Variants in IGSF21 observed in about 807,000 individuals in gnomAD.
IGSF21 encodes immunoglobulin superfamily member 21.
In IGSF21, 28 loss-of-function variants were observed where a neutral mutation model predicts 46.8. That is an observed-to-expected ratio of 0.60 (90% CI 0.44 to 0.82). The LOEUF (loss-of-function observed/expected upper bound fraction) is 0.82, where lower values mean the gene tolerates loss of function less well. Ranked by LOEUF, IGSF21 falls within the 40% of genes least tolerant of loss-of-function variation. The pLI, the probability that IGSF21 is intolerant of heterozygous loss-of-function variation, is 0.00. For missense variants in IGSF21, 624 were observed against 665.5 expected (o/e 0.94, Z 0.69); for synonymous variants, 284 against 273.6 (o/e 1.04, Z -0.38).
intron 3 of IGSF21, among the ~76,000 whole-genome samples, chr1:18,311,730 G>C (rs1213344154): frequency 2.0e-5 from 3 of 152,196 alleles, no homozygotes; most frequent in African/African-American, 7.2e-5. Context: ...ATCTTACATG[G>C]TGGCAGACAA....
At chr1:18,248,317 C>A (rs923057329) in intron 2 of IGSF21, among the ~76,000 whole-genome samples, 6 of 152,312 alleles carry the variant, frequency 3.9e-5, no homozygotes, top group African/African-American at 1.4e-4. Context: ...CAGAATTAAC[C>A]CCTCTGTACA....
At chr1:18,293,746 C>A (rs1261634119) in intron 3 of IGSF21, among the ~76,000 whole-genome samples, 5 of 152,208 alleles carry the variant, frequency 3.3e-5, no homozygotes, top group African/African-American at 9.7e-5. Flanking sequence ...CTCCCAGAAG[C>A]CTAATGCCAC....
At chr1:18,356,368 G>T (rs975239259) in intron 4 of IGSF21, among the ~76,000 whole-genome samples, 4 of 152,146 alleles carry the variant, frequency 2.6e-5, no homozygotes, top group African/African-American at 9.7e-5. Flanking sequence ...AGGCACTGAT[G>T]GTGGGAGCAC....
chr1:18,363,010 C>T (rs1459761831), intron 5 of IGSF21, among the ~76,000 whole-genome samples: 2 of 152,070 alleles, frequency 1.3e-5, no homozygotes, highest in African/African-American at 2.4e-5. Context: ...TTTAGTAGCA[C>T]GAGGACCCTT....
intron 3 of IGSF21, among the ~76,000 whole-genome samples, chr1:18,310,147 C>A (rs1423275288): frequency 6.6e-6 from 1 of 152,240 alleles, no homozygotes; most frequent in African/African-American, 2.4e-5. Context: ...CTTGGTGAGG[C>A]CTTCCAGGCT....
At chr1:18,136,313 T>G (rs2086367341) in intron 1 of IGSF21, among the ~76,000 whole-genome samples, 1 of 152,206 alleles carries the variant, frequency 6.6e-6, no homozygotes. Flanking sequence ...TTTTGGTGTT[T>G]TAGACATGAA....
chr1:18,139,359 G>A (rs549301101), intron 1 of IGSF21, among the ~76,000 whole-genome samples: 116 of 152,144 alleles, frequency 7.6e-4, no homozygotes, highest in African/African-American at 2.7e-3. Flanking sequence ...AGCTGTCTAC[G>A]TCACACGATG....
chr1:18,305,139 T>C (rs1447332627), intron 3 of IGSF21, among the ~76,000 whole-genome samples: 1 of 152,048 alleles, frequency 6.6e-6, no homozygotes, highest in African/African-American at 2.4e-5. Flanking sequence ...GTTAAGAGAC[T>C]TGCCTGAGGT....
At chr1:18,286,448 ACT>A (rs1463062284) in intron 2 of IGSF21, among the ~76,000 whole-genome samples, 1 of 152,216 alleles carries the variant, frequency 6.6e-6, no homozygotes, top group African/African-American at 2.4e-5. Context: ...CTGTGTAGGC[ACT>A]GGTTAGGATG....
At position 18,203,800 on chromosome 1, in the gene IGSF21, G is replaced by A. The variant is rs540183299; in HGVS notation, c.71-24098G>A. Among the ~76,000 whole-genome samples the A allele has an allele frequency of 3.9e-5, 6 of 152,326 alleles. 1 individual carries two copies. The highest frequency in any genetic ancestry group is 1.9e-4 in the East Asian group (1 of 5,184). On this transcript the variant is annotated intron_variant, in intron 1 of 9. Coordinates refer to ENST00000251296, the MANE Select transcript of IGSF21 (RefSeq NM_032880.5). ...AAGCCTGGGGTCAGCACATTTTCCT[G>A]TAAAGAGCTAGATGGTAAACATTTT...
intron 1 of IGSF21, among the ~76,000 whole-genome samples, chr1:18,189,707 T>C (rs2086936835): frequency 6.6e-6 from 1 of 152,006 alleles, no homozygotes; most frequent in Admixed American, 6.6e-5. Context: ...CCTATGAGAA[T>C]CGAATGCCGC....
intron 1 of IGSF21, chr1:18,115,842 G>GAAGGAAGGAAGAAAGAAAGA (rs1326188397): frequency 1.1e-5 from 1 of 87,770 alleles, no homozygotes; most frequent in African/African-American, 5.2e-5. Context: ...AGGAAGGAAG[G>GAAGGAAGGAAGAAAGAAAGA]AAGAAAGAAA....
chr1:18,115,187 C>G (rs527767600), intron 1 of IGSF21: 1 of 152,626 alleles, frequency 6.6e-6, no homozygotes, highest in African/African-American at 2.4e-5. Context: ...GAGCAGACAT[C>G]TGCCCTCAGC....
intron 3 of IGSF21, among the ~76,000 whole-genome samples, chr1:18,314,855 A>T (rs1210628467): frequency 2.0e-5 from 3 of 152,130 alleles, no homozygotes; most frequent in Non-Finnish European, 2.9e-5. Context: ...GGATGGGCGG[A>T]TGACATCCAG....
chr1:18,228,236 T>C (rs1487238158), intron 2 of IGSF21, among the ~76,000 whole-genome samples: 1 of 152,190 alleles, frequency 6.6e-6, no homozygotes, highest in African/African-American at 2.4e-5. Context: ...TTTGTGCTCC[T>C]ATTATGCCCC....
At position 18,357,157 on chromosome 1, in the gene IGSF21, G is replaced by A. The variant is rs80123320; in HGVS notation, c.425-4958G>A. Among the ~76,000 whole-genome samples the A allele has an allele frequency of 5.7e-3, 842 of 148,530 alleles. 4 individuals carry two copies. Among genetic ancestry groups the A allele is most frequent in the African/African-American group, 0.02 (801 of 40,014 alleles). ...GAGATGGGGAGGAGATTGAGATGGG[G>A]ATGGGGATAAAGATGGGGGAAGAGA... On this transcript the variant is annotated intron_variant, in intron 4 of 9. Coordinates refer to ENST00000251296, the MANE Select transcript of IGSF21 (RefSeq NM_032880.5).
intron 2 of IGSF21, among the ~76,000 whole-genome samples, chr1:18,240,523 G>T (rs1023499884): frequency 2.6e-5 from 4 of 152,202 alleles, no homozygotes; most frequent in Non-Finnish European, 5.9e-5. Context: ...CCCTTTGCTG[G>T]CAGTGACCAG....
intron 1 of IGSF21, among the ~76,000 whole-genome samples, chr1:18,151,292 A>G (rs565945550): frequency 1.3e-5 from 2 of 152,330 alleles, no homozygotes; most frequent in East Asian, 3.9e-4. Context: ...TTGTTCATGC[A>G]AAATCAAATG....
intron 2 of IGSF21, among the ~76,000 whole-genome samples, chr1:18,250,664 A>G (rs1416658473): frequency 6.6e-6 from 1 of 152,134 alleles, no homozygotes; most frequent in Non-Finnish European, 1.5e-5. Context: ...TACTGGTTTT[A>G]ACCTCTCTGG....
Sources: allele counts gnomAD v4.1 joint callset (sites outside exome capture counted in the v4.1 genomes callset), GRCh38; gene constraint gnomAD v4.1.1; transcripts MANE v1.5; gene names NCBI Gene and HGNC (gene_info 2026-07-23, HGNC 2026-07-21).